ROBO2: variants seen among roughly 807,000 people sequenced by gnomAD.
ROBO2 encodes the protein roundabout guidance receptor 2.
Under a neutral mutation model 160.8 loss-of-function variants are expected in ROBO2, and 53 were observed. The ratio of observed to expected loss-of-function variants is 0.33; its 90% CI spans 0.26 to 0.41. ROBO2 has a LOEUF of 0.41. Ranked by LOEUF, ROBO2 falls within the 10% of genes least tolerant of loss-of-function variation. The pLI, the probability that ROBO2 is intolerant of heterozygous loss-of-function variation, is 1.00. For synonymous variants in ROBO2, 664 were observed against 611.7 expected (o/e 1.09, Z -1.26); for missense variants, 1,577 against 1,722.4 (o/e 0.92, Z 1.49).
At chr3:76,756,240 C>A (rs2060961179) in intron 2 of ROBO2, among the ~76,000 whole-genome samples, 1 of 151,512 alleles carries the variant, frequency 6.6e-6, no homozygotes, top group South Asian at 2.1e-4. Context: ...CTCCCAATTA[C>A]CAATATGAGA....
At chr3:77,461,971 C>A (rs2082292734) in intron 2 of ROBO2, among the ~76,000 whole-genome samples, 1 of 152,122 alleles carries the variant, frequency 6.6e-6, no homozygotes, top group Admixed American at 6.6e-5. Context: ...GGTGATCCAC[C>A]TGCCTCGGCC....
chr3:77,115,814 A>C (rs2074138745), intron 2 of ROBO2, among the ~76,000 whole-genome samples: 1 of 152,342 alleles, frequency 6.6e-6, no homozygotes, highest in Admixed American at 6.5e-5. Flanking sequence ...AAAATGGTTT[A>C]TCTTATCCAA....
At chr3:76,997,526 G>C (rs1231871705) in intron 2 of ROBO2, among the ~76,000 whole-genome samples, 1 of 152,050 alleles carries the variant, frequency 6.6e-6, no homozygotes, top group East Asian at 1.9e-4. Context: ...TCGAACACAT[G>C]GGCAAAGTCT....
chr3:77,198,387 CT>C (rs2082502896), intron 2 of ROBO2, among the ~76,000 whole-genome samples: 1 of 152,052 alleles, frequency 6.6e-6, no homozygotes, highest in South Asian at 2.1e-4. Flanking sequence ...CAAAAACCAC[CT>C]GCTTAAACTT....
chr3:76,493,952 C>G (rs559482140), intron 2 of ROBO2, among the ~76,000 whole-genome samples: 6 of 152,258 alleles, frequency 3.9e-5, no homozygotes, highest in African/African-American at 1.4e-4. Flanking sequence ...GGGAAATCTG[C>G]TTTTAAAGTA....
At chr3:76,928,659 CCAACTCACA>C (rs1490979303) in intron 2 of ROBO2, among the ~76,000 whole-genome samples, 1 of 152,074 alleles carries the variant, frequency 6.6e-6, no homozygotes, top group Non-Finnish European at 1.5e-5. Context: ...AACAATTCTA[CCAACTCACA>C]CTTGCTTCAC....
intron 2 of ROBO2, among the ~76,000 whole-genome samples, chr3:77,248,330 G>A (rs1400578526): frequency 3.9e-5 from 6 of 152,066 alleles, no homozygotes; most frequent in African/African-American, 1.4e-4. Context: ...TGCCACGAGT[G>A]TGGGTGCAAA....
At chr3:77,389,376 A>G (rs2074473157) in intron 2 of ROBO2, among the ~76,000 whole-genome samples, 1 of 152,140 alleles carries the variant, frequency 6.6e-6, no homozygotes, top group Admixed American at 6.6e-5. Context: ...CATTTGTACT[A>G]GCCACATTTT....
intron 2 of ROBO2, among the ~76,000 whole-genome samples, chr3:76,566,887 A>C (rs1293986765): frequency 6.6e-6 from 1 of 152,220 alleles, no homozygotes; most frequent in African/African-American, 2.4e-5. Context: ...GGCATCTCTC[A>C]AAATATTTCA....
At chr3:75,974,700 T>C (rs533747115) in intron 2 of ROBO2, among the ~76,000 whole-genome samples, 1 of 151,752 alleles carries the variant, frequency 6.6e-6, no homozygotes, top group South Asian at 2.1e-4. Flanking sequence ...TTCAATTATT[T>C]GAGTTTAGTT....
At chr3:76,656,963 GCTCT>G (rs1417091474) in intron 2 of ROBO2, among the ~76,000 whole-genome samples, 1 of 152,006 alleles carries the variant, frequency 6.6e-6, no homozygotes, top group African/African-American at 2.4e-5. Context: ...TCTTTAACTG[GCTCT>G]CTATTTTGGA....
In ROBO2 at chr3:76,272,857, A is replaced by AATATATATTATATATT. The variant is rs1707589835; in HGVS notation, c.109+335262_109+335263insTTATATATTATATATA. Among the ~76,000 whole-genome samples, 21 of 87,278 alleles carry AATATATATTATATATT rather than the reference A, an allele frequency of 2.4e-4. 2 individuals carry two copies. The highest frequency in any genetic ancestry group is 1.4e-3 in the Admixed American group (7 of 5,094). 57.3% of individuals were successfully genotyped at this position (87,278 alleles called of 152,430 possible). On this transcript the variant is annotated intron_variant, in intron 2 of 26. Coordinates refer to the ROBO2 transcript ENST00000487694. ...TATATATATTATATATTATATATAA[A>AATATATATTATATATT]ATATATAAAATATATAATATATATT... is the stretch of plus-strand genomic sequence containing the variant.
intron 1 of ROBO2, among the ~76,000 whole-genome samples, chr3:77,063,158 G>A (rs2066493596): frequency 6.6e-6 from 1 of 152,130 alleles, no homozygotes; most frequent in South Asian, 2.1e-4. Context: ...CATGAGGGTG[G>A]GAGCAGGATC....
At chr3:76,374,008 C>T (rs2076227579) in intron 2 of ROBO2, among the ~76,000 whole-genome samples, 1 of 151,914 alleles carries the variant, frequency 6.6e-6, no homozygotes, top group South Asian at 2.1e-4. Flanking sequence ...GTTCACATGG[C>T]AGCAGATGGT....
intron 2 of ROBO2, among the ~76,000 whole-genome samples, chr3:76,643,171 A>C (rs2090787442): frequency 1.3e-5 from 2 of 152,128 alleles, no homozygotes; most frequent in Admixed American, 6.5e-5. Context: ...CTCATATATA[A>C]TCAGCAATCA....
intron 2 of ROBO2, among the ~76,000 whole-genome samples, chr3:76,282,047 A>C (rs949504347): frequency 2.0e-5 from 3 of 152,042 alleles, no homozygotes; most frequent in African/African-American, 7.2e-5. Flanking sequence ...ATAGCCTGAC[A>C]TCTTTATATC....
At chr3:76,337,718 G>A (rs953149737) in intron 2 of ROBO2, among the ~76,000 whole-genome samples, 5 of 152,128 alleles carry the variant, frequency 3.3e-5, no homozygotes, top group African/African-American at 4.8e-5. Context: ...TTCTTTATGC[G>A]CAATGATATT....
chr3:76,550,364 C>G (rs1165648691), intron 2 of ROBO2, among the ~76,000 whole-genome samples: 5 of 152,212 alleles, frequency 3.3e-5, no homozygotes, highest in Admixed American at 2.0e-4. Context: ...CCCTCTGTAT[C>G]CATAAATTCC....
intron 2 of ROBO2, among the ~76,000 whole-genome samples, chr3:77,031,727 TAATA>T (rs1216735814): frequency 2.0e-5 from 3 of 147,518 alleles, no homozygotes; most frequent in Non-Finnish European, 4.5e-5. Flanking sequence ...TTATTATATA[TAATA>T]AATATATATT....
Sources: gnomAD v4.1 joint callset for allele counts (sites outside exome capture counted in the v4.1 genomes callset) on GRCh38, gnomAD v4.1.1 for gene constraint, MANE v1.5 for transcripts, NCBI Gene and HGNC (gene_info 2026-07-23, HGNC 2026-07-21) for gene names.